TCF7L2: variants seen among roughly 807,000 people sequenced by gnomAD.
TCF7L2 encodes transcription factor 7 like 2.
A neutral mutation model predicts 77.9 loss-of-function variants in TCF7L2; 23 were observed. The ratio of observed to expected loss-of-function variants is 0.30; its 90% confidence interval spans 0.21 to 0.42. The LOEUF is 0.42. Among genes scored for constraint, TCF7L2 ranks in the 10% least tolerant of loss-of-function variants. TCF7L2 has a pLI of 1.00. For synonymous variants in TCF7L2, 413 were observed against 340.2 expected (o/e 1.21, Z -2.36); for missense variants, 654 against 793.1 (o/e 0.82, Z 2.11).
chr10:113,004,759 G>A (rs1043220134), intron 4 of TCF7L2, among the ~76,000 whole-genome samples: 6 of 151,778 alleles, frequency 4.0e-5, no homozygotes, highest in Non-Finnish European at 7.4e-5. Context: ...TGCAACCTCC[G>A]CCTCCCGGGT....
At chr10:113,157,831 T>G (rs1338154174) in intron 11 of TCF7L2, 190 bp from the exon 12 acceptor site, 8 of 571,130 alleles carry the variant, frequency 1.4e-5, no homozygotes, top group Non-Finnish European at 2.2e-5. Flanking sequence ...CGTGTGTCCC[T>G]CCAGCTGGGG....
At position 113,129,703 on chromosome 10, in the gene TCF7L2, T is replaced by C. The variant is rs1035760585; in HGVS notation, c.553-11481T>C. 1.0e-5 allele frequency: 12 copies of C among 1,199,616 alleles called. No individual in the cohort carries two copies. The Admixed American group carries it at 1.1e-4, about 11-fold the overall frequency. The allele number at this position is 1,199,616 out of a possible 1,614,324, so 74.3% of individuals were successfully genotyped here. ...CATTTCGATCTTTTTAGATGCTTTT[T>C]TTCAGTTCTTTAAGTGAAAGGTTTA... On this transcript the variant is annotated intron_variant, in intron 5 of 13. Transcript: ENST00000627217.
At chr10:113,089,270 C>G in intron 5 of TCF7L2, 2 of 1,029,968 alleles carry the variant, frequency 1.9e-6, no homozygotes, top group South Asian at 3.6e-5. Flanking sequence ...GAACTGTAAT[C>G]CCTCTATCAT....
At chr10:113,012,483 G>A (rs1004509688) in intron 4 of TCF7L2, among the ~76,000 whole-genome samples, 1 of 107,428 alleles carries the variant, frequency 9.3e-6, no homozygotes, top group Non-Finnish European at 1.8e-5. Context: ...CTGAACTAGT[G>A]GAAAGGCACT....
intron 5 of TCF7L2, among the ~76,000 whole-genome samples, chr10:113,081,853 G>C (rs1045810430): frequency 1.3e-5 from 2 of 152,176 alleles, no homozygotes; most frequent in Non-Finnish European, 2.9e-5. Context: ...TTGAGATGGA[G>C]TGTCGCTCTG....
intron 5 of TCF7L2, among the ~76,000 whole-genome samples, chr10:113,075,307 A>G (rs963101656): frequency 6.6e-6 from 1 of 152,078 alleles, no homozygotes; most frequent in African/African-American, 2.4e-5. Context: ...AAAAATACAA[A>G]AATTAGCCGG....
chr10:113,165,611 C>T lies in TCF7L2; in HGVS notation c.1448C>T (p.Pro483Leu), dbSNP rs2137647670. 3 of 1,614,086 alleles carry T rather than the reference C, an allele frequency of 1.9e-6. No homozygotes were observed. The highest frequency in any genetic ancestry group is 1.7e-6 in the Non-Finnish European group (2 of 1,179,996). ...GGTGAAGGCAGCTGCCTCAGCCCAC[C>T]CTCTTCAGATGGAAGCTTACTAGAT... is the stretch of plus-strand genomic sequence containing the variant. Residue 483 changes from proline (P) to leucine (L), a missense_variant, in exon 14 of 14, where the codon CCC (proline) becomes CTC (leucine). Pro to Leu is a moderately conservative substitution (Grantham distance 98). Coordinates refer to ENST00000627217, the MANE Select transcript of TCF7L2 (RefSeq NM_001146274.2).
At chr10:113,110,565 T>G (rs1198961801) in intron 5 of TCF7L2, among the ~76,000 whole-genome samples, 2 of 152,194 alleles carry the variant, frequency 1.3e-5, no homozygotes. Flanking sequence ...CTCACAAGCC[T>G]GGCTGCCCCA....
At chr10:113,158,434 G>A (rs1486023346) in intron 12 of TCF7L2, among the ~76,000 whole-genome samples, 1 of 152,116 alleles carries the variant, frequency 6.6e-6, no homozygotes, top group Non-Finnish European at 1.5e-5. Context: ...AGGGGAGTAG[G>A]AGGGGGTGTG....
chr10:112,983,739 T>C lies in TCF7L2; in HGVS notation c.450+19115T>C, dbSNP rs143226650. Among the ~76,000 whole-genome samples the C allele has an allele frequency of 4.5e-3, 686 of 152,300 alleles. 9 individuals carry two copies. The highest frequency in any genetic ancestry group is 0.026 in the South Asian group (126 of 4,820). On this transcript the variant is annotated intron_variant, in intron 4 of 13. Coordinates refer to ENST00000627217, the MANE Select transcript of TCF7L2 (RefSeq NM_001146274.2). Reference sequence around the variant, plus strand: ...GGAAATTGTGATTGGAAGCTAACTGTTCCAGGGTCCCTGGGTGCCTGTGTC... The same window carrying C: ...GGAAATTGTGATTGGAAGCTAACTGCTCCAGGGTCCCTGGGTGCCTGTGTC...
intron 4 of TCF7L2, among the ~76,000 whole-genome samples, chr10:113,034,850 T>G (rs544126594): frequency 6.6e-6 from 1 of 152,296 alleles, no homozygotes; most frequent in East Asian, 1.9e-4. Context: ...GAGTCGAGCT[T>G]GCGTCACTGC....
At chr10:113,099,044 A>G (rs982224609) in intron 5 of TCF7L2, among the ~76,000 whole-genome samples, 18 of 152,320 alleles carry the variant, frequency 1.2e-4, no homozygotes, top group African/African-American at 4.1e-4. Flanking sequence ...CTGCAGTGCC[A>G]TAGTTGTCAG....
chr10:113,115,289 C>G (rs570046427), intron 5 of TCF7L2, among the ~76,000 whole-genome samples: 35 of 152,242 alleles, frequency 2.3e-4, no homozygotes, highest in African/African-American at 7.9e-4. Context: ...CTAATTAGAT[C>G]GAATGCAGTT....
intron 5 of TCF7L2, among the ~76,000 whole-genome samples, chr10:113,113,483 G>C (rs2063376705): frequency 6.6e-6 from 1 of 152,136 alleles, no homozygotes; most frequent in South Asian, 2.1e-4. Flanking sequence ...GGACACACTG[G>C]CCAGGTTGAT....
intron 4 of TCF7L2, among the ~76,000 whole-genome samples, chr10:112,967,574 C>T (rs2037249355): frequency 6.6e-6 from 1 of 152,110 alleles, no homozygotes; most frequent in African/African-American, 2.4e-5. Flanking sequence ...ACAAGAGCAA[C>T]TCAGATGGCC....
intron 4 of TCF7L2, among the ~76,000 whole-genome samples, chr10:112,972,180 AGT>A (rs1227329877): frequency 2.0e-5 from 3 of 152,202 alleles, no homozygotes; most frequent in Non-Finnish European, 2.9e-5. Context: ...CCAAATAAAA[AGT>A]GAGGGCTGGC....
At chr10:113,017,620 A>T (rs1319319206) in intron 4 of TCF7L2, among the ~76,000 whole-genome samples, 2 of 152,132 alleles carry the variant, frequency 1.3e-5, no homozygotes, top group African/African-American at 2.4e-5. Context: ...TCCACTGGAG[A>T]CACCCTCTCT....
At chr10:113,109,068 C>G (rs564656907) in intron 5 of TCF7L2, among the ~76,000 whole-genome samples, 1 of 152,192 alleles carries the variant, frequency 6.6e-6, no homozygotes, top group African/African-American at 2.4e-5. Flanking sequence ...CACAAACACA[C>G]GCGCGTGCAC....
In TCF7L2 at chr10:113,160,626, T is replaced by C. The variant is rs1326765465; in HGVS notation, c.1326T>C (p.Asn442=). The C allele has an allele frequency of 1.9e-6, 3 of 1,593,372 alleles. No homozygotes were observed. The East Asian group carries it at 6.7e-5, about 36-fold the overall frequency. Residue 442 remains asparagine, a synonymous_variant, in exon 13 of 14, where the codon AAT becomes AAC. Coordinates refer to ENST00000627217, the MANE Select transcript of TCF7L2 (RefSeq NM_001146274.2). ...TTTACCTTATGCTAACAGATGCAAA[T>C]ACTCCAAAGAAGTGTCGGGCACTGT...
Sources: allele counts gnomAD v4.1 joint callset (sites outside exome capture counted in the v4.1 genomes callset), GRCh38; gene constraint gnomAD v4.1.1; transcripts MANE v1.5; gene names NCBI Gene and HGNC (gene_info 2026-07-23, HGNC 2026-07-21).